The following KLF8 variants were observed in gnomAD, a reference collection of about 807,000 sequenced individuals.
KLF8 encodes Krueppel-like factor 8.
In KLF8, 10 loss-of-function variants were observed where a neutral mutation model predicts 18.2. That is an observed-to-expected ratio of 0.55 (90% confidence interval 0.34 to 0.93). KLF8 has a LOEUF of 0.93. Among genes scored for constraint, KLF8 ranks in the 40% least tolerant of loss-of-function variants. KLF8 has a pLI of 0.02. For missense variants in KLF8, 264 were observed against 277.9 expected, an observed-to-expected ratio of 0.95 and a Z score of 0.36; for synonymous variants, 109 against 97.3, an observed-to-expected ratio of 1.12 and a Z score of -0.71.
At chrX:56,068,833 A>AT in the KLF8 span, among the ~76,000 whole-genome samples, 2 of 111,929 alleles carry the variant, frequency 1.8e-5, no homozygotes, top group Non-Finnish European at 3.8e-5. Flanking sequence ...GGCAGAGTAC[A>AT]TGACCCTGCC....
At chrX:56,153,164 T>C in the KLF8 span, among the ~76,000 whole-genome samples, 21 of 111,338 alleles carry the variant, frequency 1.9e-4, no homozygotes, top group South Asian at 3.8e-4. Flanking sequence ...AGCATATTTT[T>C]ATGAAAAATA....
At chrX:56,181,788 C>T in the KLF8 span, among the ~76,000 whole-genome samples, 1 of 71,344 alleles carries the variant, frequency 1.4e-5, no homozygotes, top group African/African-American at 1.7e-4. Flanking sequence ...TTGAATATTG[C>T]TCCCCCCCCT....
chrX:56,176,656 C>T, the KLF8 span, among the ~76,000 whole-genome samples: 1 of 111,407 alleles, frequency 9.0e-6, no homozygotes, highest in African/African-American at 3.3e-5. Flanking sequence ...GCCTGCCTTA[C>T]TAGATTGGGG....
chrX:56,275,667 C>T (rs1316312172), intron 5 of KLF8, among the ~76,000 whole-genome samples: 2 of 112,120 alleles, frequency 1.8e-5, no homozygotes, highest in African/African-American at 6.5e-5. Flanking sequence ...AAGTATGTTT[C>T]TCCTACACCC....
At chrX:55,971,559 A>G in the KLF8 span, among the ~76,000 whole-genome samples, 2 of 111,034 alleles carry the variant, frequency 1.8e-5, no homozygotes, top group Non-Finnish European at 3.8e-5. Flanking sequence ...AAATGGAAAA[A>G]TAGATTACAT....
At chrX:56,211,670 G>A in the KLF8 span, among the ~76,000 whole-genome samples, 1 of 112,039 alleles carries the variant, frequency 8.9e-6, no homozygotes, top group East Asian at 2.8e-4. Flanking sequence ...AGGAGTCAGG[G>A]GCTAGAGTAA....
chrX:56,156,724 T>TA, the KLF8 span, among the ~76,000 whole-genome samples: 43 of 61,750 alleles, frequency 7.0e-4, no homozygotes, highest in African/African-American at 2.4e-3. Flanking sequence ...CCCTCCCCCC[T>TA]ACCCACCCCC....
chrX:56,243,326 C>A, intron 1 of KLF8: 1 of 344,885 alleles, frequency 2.9e-6, no homozygotes, highest in Non-Finnish European at 5.3e-6. Flanking sequence ...CACCTTTCAA[C>A]ACTGTCTTCT....
At chrX:56,142,661 C>T in the KLF8 span, among the ~76,000 whole-genome samples, 8 of 111,991 alleles carry the variant, frequency 7.1e-5, no homozygotes, top group Non-Finnish European at 1.5e-4. Context: ...TCAAACTTAA[C>T]ATGTCCCAAA....
At chrX:56,032,365 CT>C in the KLF8 span, among the ~76,000 whole-genome samples, 4 of 110,568 alleles carry the variant, frequency 3.6e-5, no homozygotes, top group African/African-American at 9.9e-5. Flanking sequence ...AAAATTTATT[CT>C]TTTTACATCT....
At chrX:55,988,350 C>A in the KLF8 span, among the ~76,000 whole-genome samples, 11 of 111,585 alleles carry the variant, frequency 9.9e-5, no homozygotes, top group African/African-American at 3.6e-4. Context: ...ACATGTAAGT[C>A]TTTAATCCAT....
chrX:56,104,074 A>G, the KLF8 span, among the ~76,000 whole-genome samples: 8 of 111,713 alleles, frequency 7.2e-5, no homozygotes, highest in Non-Finnish European at 1.3e-4. Context: ...ACTTGATCAT[A>G]GTGGATAAGC....
chrX:55,997,628 C>T, the KLF8 span, among the ~76,000 whole-genome samples: 2 of 111,651 alleles, frequency 1.8e-5, no homozygotes, highest in Non-Finnish European at 3.8e-5. Flanking sequence ...TGAAGATCTG[C>T]TTGGAGTGTG....
the KLF8 span, among the ~76,000 whole-genome samples, chrX:55,968,873 AATG>A: frequency 1.8e-5 from 2 of 111,957 alleles, no homozygotes; most frequent in Non-Finnish European, 3.8e-5. Context: ...GTCATTATGT[AATG>A]ATAAGGTGGT....
chrX:56,185,217 C>G, the KLF8 span, among the ~76,000 whole-genome samples: 1 of 111,730 alleles, frequency 9.0e-6, no homozygotes, highest in African/African-American at 3.3e-5. Flanking sequence ...TGGAGAACTA[C>G]GTGAAGAATG....
At chrX:56,263,933 T>C (rs1228862192) in intron 2 of KLF8, among the ~76,000 whole-genome samples, 1 of 112,325 alleles carries the variant, frequency 8.9e-6, no homozygotes, top group Non-Finnish European at 1.9e-5. Context: ...AACCTTTCAT[T>C]GAACTCTACC....
the KLF8 span, among the ~76,000 whole-genome samples, chrX:56,210,088 T>TTTGC: frequency 1.7e-4 from 19 of 111,998 alleles, no homozygotes; most frequent in Non-Finnish European, 7.5e-5. Flanking sequence ...ACACCACACT[T>TTTGC]ACAGTGTTAT....
At chrX:56,171,379 A>G in the KLF8 span, among the ~76,000 whole-genome samples, 2 of 112,004 alleles carry the variant, frequency 1.8e-5, no homozygotes, top group Non-Finnish European at 3.8e-5. Flanking sequence ...ATAGTATAGT[A>G]TTCTTTTATT....
At chrX:56,188,441 T>C in the KLF8 span, among the ~76,000 whole-genome samples, 43 of 111,494 alleles carry the variant, frequency 3.9e-4, no homozygotes, top group African/African-American at 1.2e-3. Context: ...AATGGCCATA[T>C]TGCCCAAGGT....
Sources: gnomAD v4.1 joint callset for allele counts (sites outside exome capture counted in the v4.1 genomes callset) on GRCh38, gnomAD v4.1.1 for gene constraint, MANE v1.5 for transcripts, NCBI Gene and HGNC (gene_info 2026-07-23, HGNC 2026-07-21) for gene names.